The following GALNT14 variants were observed in gnomAD, a reference collection of about 807,000 sequenced individuals.
GALNT14 encodes the protein polypeptide N-acetylgalactosaminyltransferase 14, also known as UDP-GalNAc:polypeptide N-acetylgalactosaminyltransferase 14.
GALNT14 carries 60 observed loss-of-function variants against 77.5 expected under a neutral mutation model. The observed-to-expected ratio is 0.77, with a 90% CI of 0.63 to 0.96. The LOEUF (loss-of-function observed/expected upper bound fraction) is 0.96. Among genes scored for constraint, GALNT14 ranks in the 40% least tolerant of loss-of-function variants. The probability of loss-of-function intolerance (pLI) is 0.00; values close to 1 mark genes in which losing one functional copy is unlikely to be tolerated. For synonymous variants in GALNT14, 280 were observed against 281.7 expected, an observed-to-expected ratio of 0.99 and a Z score of 0.06; for missense variants, 710 against 731.0, an observed-to-expected ratio of 0.97 and a Z score of 0.33.
At chr2:31,053,134 G>C (rs1000250274) in intron 1 of GALNT14, among the ~76,000 whole-genome samples, 2 of 152,146 alleles carry the variant, frequency 1.3e-5, no homozygotes, top group Non-Finnish European at 2.9e-5. Context: ...CCCTAGTCTT[G>C]GGTGGCATTT....
chr2:31,126,474 C>T (rs1678709622), intron 1 of GALNT14, among the ~76,000 whole-genome samples: 1 of 152,124 alleles, frequency 6.6e-6, no homozygotes. Context: ...TGGTGTTCGT[C>T]ACATGAAAAA....
chr2:30,994,543 A>G (rs1255176305), intron 1 of GALNT14, among the ~76,000 whole-genome samples: 1 of 152,176 alleles, frequency 6.6e-6, no homozygotes, highest in Non-Finnish European at 1.5e-5. Context: ...AGAGATTTTT[A>G]TCCAATAATT....
intron 1 of GALNT14, among the ~76,000 whole-genome samples, chr2:31,089,013 T>G (rs1023568450): frequency 6.6e-6 from 1 of 152,334 alleles, no homozygotes; most frequent in East Asian, 1.9e-4. Context: ...AATTTCTCAA[T>G]GAATGATGAA....
In GALNT14 at chr2:30,910,957, C is replaced by G. The variant is rs202186542; in HGVS notation, c.1603G>C (p.Val535Leu). ...ATGAGTGAGGACTCACATGGGTTGACGACGATTTCCTTGCCGTTCTCGGTG... is the reference window on the plus strand; with the variant it reads ...ATGAGTGAGGACTCACATGGGTTGAGGACGATTTCCTTGCCGTTCTCGGTG... ...DGTENGKEIV[V>L]NPCESSLMSQ... Residue 535 changes from valine (V) to leucine (L), a missense_variant, in exon 15 of 15, where the codon GTC becomes CTC. Transcript: ENST00000349752. The G allele has an allele frequency of 5.5e-5, 89 of 1,613,762 alleles. No individual in the cohort carries two copies. Among genetic ancestry groups the G allele is most frequent in the Non-Finnish European group, 5.5e-5 (65 of 1,180,000 alleles).
intron 1 of GALNT14, among the ~76,000 whole-genome samples, chr2:31,135,956 T>C (rs564099619): frequency 1.4e-4 from 21 of 152,194 alleles, no homozygotes; most frequent in Non-Finnish European, 2.8e-4. Flanking sequence ...AACAGGTCTC[T>C]TGTCCCAGAT....
the GALNT14 span, among the ~76,000 whole-genome samples, chr2:30,900,355 T>C: frequency 2.0e-5 from 3 of 152,234 alleles, no homozygotes; most frequent in Non-Finnish European, 4.4e-5. Flanking sequence ...AAAATATGCA[T>C]GATCCCTAAA....
At chr2:31,122,551 C>T (rs1446231267) in intron 1 of GALNT14, among the ~76,000 whole-genome samples, 1 of 152,208 alleles carries the variant, frequency 6.6e-6, no homozygotes, top group Non-Finnish European at 1.5e-5. Flanking sequence ...GGGGATCTTA[C>T]TAAATGCAGA....
chr2:30,956,003 T>G (rs140625531), intron 4 of GALNT14, 26 bp from the exon 5 acceptor site: 13 of 1,613,258 alleles, frequency 8.1e-6, no homozygotes, highest in Non-Finnish European at 1.0e-5. Context: ...GTTAAGCCAA[T>G]TGAGCGCCCA....
intron 6 of GALNT14, among the ~76,000 whole-genome samples, chr2:30,946,330 G>A (rs913591351): frequency 7.2e-5 from 11 of 152,178 alleles, no homozygotes; most frequent in African/African-American, 2.7e-4. Context: ...GGGGCCTGGT[G>A]GGAGGTGACT....
intron 1 of GALNT14, among the ~76,000 whole-genome samples, chr2:31,128,559 A>G (rs1678812722): frequency 6.6e-6 from 1 of 152,206 alleles, no homozygotes; most frequent in African/African-American, 2.4e-5. Context: ...TTAACTCCAC[A>G]ACCCTGCTGA....
rs761169973 is a variant in GALNT14, at chr2:30,924,281, G to C, written c.1236-18C>G. The C allele has an allele frequency of 1.9e-6, 3 of 1,613,664 alleles. No individual in the cohort carries two copies. The highest frequency in any genetic ancestry group is 2.5e-6 in the Non-Finnish European group (3 of 1,179,590). On this transcript the variant is annotated intron_variant, in intron 12 of 14. Transcript: ENST00000349752. Reference sequence around the variant, plus strand: ...TGGGGATGCTGGAGGAGAGTCACAGGGAGAGAGGAGAGTCCACTGCTCATT... The same window carrying C: ...TGGGGATGCTGGAGGAGAGTCACAGCGAGAGAGGAGAGTCCACTGCTCATT...
chr2:31,056,733 T>C (rs1197400232), intron 1 of GALNT14, among the ~76,000 whole-genome samples: 1 of 152,216 alleles, frequency 6.6e-6, no homozygotes, highest in Admixed American at 6.5e-5. Context: ...ACTCGTGATA[T>C]AGTGATACAA....
At chr2:31,038,256 G>C (rs1672884196) in intron 1 of GALNT14, among the ~76,000 whole-genome samples, 1 of 151,006 alleles carries the variant, frequency 6.6e-6, no homozygotes, top group African/African-American at 2.4e-5. Context: ...ACCACGCCCA[G>C]CTAATTTTTG....
intron 2 of GALNT14, among the ~76,000 whole-genome samples, chr2:30,983,444 T>C (rs938098441): frequency 6.6e-6 from 1 of 152,234 alleles, no homozygotes; most frequent in Non-Finnish European, 1.5e-5. Context: ...AAAATGTCTC[T>C]ACATCTCTTT....
At chr2:31,063,774 G>T (rs544922332) in intron 1 of GALNT14, among the ~76,000 whole-genome samples, 2 of 152,228 alleles carry the variant, frequency 1.3e-5, no homozygotes, top group South Asian at 4.1e-4. Flanking sequence ...GGTCCTTAAT[G>T]TCCCTTGTAA....
At chr2:30,920,261 T>C (rs1283823731) in intron 13 of GALNT14, among the ~76,000 whole-genome samples, 1 of 152,256 alleles carries the variant, frequency 6.6e-6, no homozygotes, top group East Asian at 1.9e-4. Context: ...TTCATTGTTT[T>C]GGCCTCGGCC....
In GALNT14 at chr2:31,124,520, C is replaced by A. The variant is rs115082301; in HGVS notation, c.129+13438G>T. Reference sequence around the variant, plus strand: ...TATTGGACCTTTAGGAACCTCAACTCCCTCACTGGTAAAAATAAAGGTAAT... The same window carrying A: ...TATTGGACCTTTAGGAACCTCAACTACCTCACTGGTAAAAATAAAGGTAAT... On this transcript the variant is annotated intron_variant, in intron 1 of 14. Transcript: ENST00000349752. 5.2e-3 allele frequency among the ~76,000 whole-genome samples: 790 copies of A among 152,300 alleles called. 2 individuals carry two copies. The highest frequency in any genetic ancestry group is 0.014 in the Middle Eastern group (4 of 294).
downstream of GALNT14, among the ~76,000 whole-genome samples, chr2:30,909,452 T>C (rs890945235): frequency 4.8e-4 from 73 of 151,966 alleles, no homozygotes; most frequent in Non-Finnish European, 9.0e-4. Context: ...AACAGACACA[T>C]GAAAAAATGC....
chr2:30,961,162 T>C (rs1255225663), intron 3 of GALNT14, among the ~76,000 whole-genome samples: 1 of 152,246 alleles, frequency 6.6e-6, no homozygotes, highest in East Asian at 1.9e-4. Flanking sequence ...CCAGCCTTCA[T>C]TTCCTCCTGT....
Sources: gnomAD v4.1 joint callset for allele counts (sites outside exome capture counted in the v4.1 genomes callset) on GRCh38, gnomAD v4.1.1 for gene constraint, MANE v1.5 for transcripts, NCBI Gene and HGNC (gene_info 2026-07-23, HGNC 2026-07-21) for gene names.